PRKD3: variants seen among roughly 807,000 people sequenced by gnomAD.
PRKD3 encodes the protein serine/threonine-protein kinase D3.
In PRKD3, 47 loss-of-function variants were observed where a neutral mutation model predicts 99.2. The observed-to-expected ratio is 0.47, with a 90% CI of 0.38 to 0.60. The LOEUF (loss-of-function observed/expected upper bound fraction) is 0.60, where lower values mean the gene tolerates loss of function less well. Ranked by LOEUF, PRKD3 falls within the 20% of genes least tolerant of loss-of-function variation. The pLI is 0.00. For synonymous variants in PRKD3, 392 were observed against 355.4 expected (o/e 1.10, Z -1.16); for missense variants, 1,019 against 1,088.4 (o/e 0.94, Z 0.90).
chr2:37,279,125 C>A (rs1669716895), intron 8 of PRKD3: 1 of 152,096 alleles, frequency 6.6e-6, no homozygotes, highest in Non-Finnish European at 1.5e-5. Context: ...TTAAGTAACT[C>A]TTTGTTTCCA....
At chr2:37,261,379 C>T (rs1053987596) in intron 14 of PRKD3, among the ~76,000 whole-genome samples, 6 of 152,092 alleles carry the variant, frequency 3.9e-5, no homozygotes, top group Admixed American at 6.5e-5. Flanking sequence ...CCCAGCTACT[C>T]GGGAGGCTGA....
In PRKD3 at chr2:37,251,022, CTATG is replaced by C. The variant is rs1003888000; in HGVS notation, c.*2151_*2154del. 4.6e-5 allele frequency: 7 copies of C among 152,358 alleles called. No individual in the cohort carries two copies. Among genetic ancestry groups the C allele is most frequent in the South Asian group, 2.1e-4 (1 of 4,832 alleles). The allele number at this position is 152,358 out of a possible 1,614,324, so 9.4% of individuals were successfully genotyped here. A position where few individuals can be genotyped will look rare whatever the true frequency, so the allele number is the denominator to read the frequency against. On this transcript the variant is annotated 3_prime_UTR_variant, in exon 19 of 19. Coordinates refer to ENST00000234179, the MANE Select transcript of PRKD3 (RefSeq NM_005813.6). Reference sequence around the variant, plus strand: ...TAATTTCATGGCTTGTAAAGTTTGACTATGTAAGTATAGCAAACAAACATCGTTC... The same window carrying C: ...TAATTTCATGGCTTGTAAAGTTTGACTAAGTATAGCAAACAAACATCGTTC...
Position 37,316,347 on chromosome 2 carries a change from C to A in PRKD3, c.178G>T (p.Val60Phe). Residue 60 changes from valine (V) to phenylalanine (F), a missense_variant, in exon 2 of 19, where the codon GTT (valine) becomes TTT (phenylalanine). By Grantham distance (50) the Val-to-Phe change is conservative. Coordinates refer to ENST00000234179, the MANE Select transcript of PRKD3 (RefSeq NM_005813.6). ...AGGCCAATTTGCAGTAGAAATGAAA[C>A]TGTATGCACTGAGCCTCTGGAGTTG... is the stretch of plus-strand genomic sequence containing the variant. ...LTNSRGSVHT[V>F]SFLLQIGLTR... The A allele has an allele frequency of 6.2e-7, 1 of 1,614,172 alleles. No homozygotes were observed. Among genetic ancestry groups the A allele is most frequent in the Admixed American group, 1.7e-5 (1 of 60,024 alleles).
chr2:37,264,515 G>T (rs1352598816), intron 14 of PRKD3, among the ~76,000 whole-genome samples: 1 of 149,132 alleles, frequency 6.7e-6, no homozygotes, highest in South Asian at 2.2e-4. Context: ...TAAGGTAGGG[G>T]AGTGGAGGGG....
intron 16 of PRKD3, among the ~76,000 whole-genome samples, chr2:37,258,650 T>G (rs1366234488): frequency 6.6e-6 from 1 of 152,226 alleles, no homozygotes; most frequent in Admixed American, 6.5e-5. Context: ...TTTAAAACAT[T>G]GCACCAACTA....
Position 37,253,073 on chromosome 2 carries a change from CAT to C in PRKD3, c.*102_*103del. ...TCACTTATTCGTTATCATATTTCTTCATATCTTTGCAGCACTGCAGATGACAA... is the reference window on the plus strand; with the variant it reads ...TCACTTATTCGTTATCATATTTCTTCATCTTTGCAGCACTGCAGATGACAA... On this transcript the variant is annotated 3_prime_UTR_variant, in exon 19 of 19. Transcript: ENST00000234179. 2 of 1,192,962 alleles carry C rather than the reference CAT, an allele frequency of 1.7e-6. No individual in the cohort carries two copies. The highest frequency in any genetic ancestry group is 2.3e-6 in the Non-Finnish European group (2 of 861,578). The allele number at this position is 1,192,962 out of a possible 1,614,324, so 73.9% of individuals were successfully genotyped here. A position where few individuals can be genotyped will look rare whatever the true frequency, so the allele number is the denominator to read the frequency against.
chr2:37,322,044 CTTAAG>C (rs1042333818), intron 1 of PRKD3, among the ~76,000 whole-genome samples: 13 of 151,108 alleles, frequency 8.6e-5, no homozygotes, highest in African/African-American at 3.2e-4. Flanking sequence ...CCAGGTTCAA[CTTAAG>C]TTTTGTGTAC....
In PRKD3 at chr2:37,316,676, C is replaced by T. The variant is rs947121694; in HGVS notation, c.-152G>A. On this transcript the variant is annotated 5_prime_UTR_variant, in exon 2 of 19. Coordinates refer to ENST00000234179, the MANE Select transcript of PRKD3 (RefSeq NM_005813.6). ...CTCTGTTAAGCCACTCATGCCGATA[C>T]TTTTAAGTTTTATCAAGGAGTTGAA... 40 of 1,437,076 alleles carry T rather than the reference C, an allele frequency of 2.8e-5. No individual in the cohort carries two copies. Among genetic ancestry groups the T allele is most frequent in the African/African-American group, 5.7e-5 (4 of 69,672 alleles). The allele number at this position is 1,437,076 out of a possible 1,614,324, so 89.0% of individuals were successfully genotyped here. A position where few individuals can be genotyped will look rare whatever the true frequency, so the allele number is the denominator to read the frequency against.
At chr2:37,308,340 C>T (rs1261749188) in intron 2 of PRKD3, among the ~76,000 whole-genome samples, 1 of 152,112 alleles carries the variant, frequency 6.6e-6, no homozygotes, top group Non-Finnish European at 1.5e-5. Flanking sequence ...TGCCTGCTGT[C>T]CAGAGGTTTG....
chr2:37,259,057 A>G (rs1668206507), intron 16 of PRKD3, among the ~76,000 whole-genome samples: 1 of 152,150 alleles, frequency 6.6e-6, no homozygotes, highest in Non-Finnish European at 1.5e-5. Flanking sequence ...ACTTGGAAAA[A>G]AAAAAAACTC....
intron 9 of PRKD3, 44 bp from the exon 10 acceptor site, chr2:37,275,888 CCT>C (rs1310330727): frequency 6.3e-7 from 1 of 1,580,692 alleles, no homozygotes; most frequent in South Asian, 1.2e-5. Flanking sequence ...AAAAATGATT[CCT>C]CCAAAGTGCT....
chr2:37,308,655 A>T (rs959580871), intron 2 of PRKD3, among the ~76,000 whole-genome samples: 13 of 152,038 alleles, frequency 8.6e-5, no homozygotes, highest in Non-Finnish European at 1.5e-4. Context: ...GGCTTTTGCC[A>T]TGTTGGCCAG....
rs928532015 is a variant in PRKD3, at chr2:37,316,634, G to A, written c.-110C>T. 1 of 1,486,324 alleles carries A rather than the reference G, an allele frequency of 6.7e-7. No individual in the cohort carries two copies. Among genetic ancestry groups the A allele is most frequent in the East Asian group, 2.4e-5 (1 of 42,038 alleles). 92.1% of individuals were successfully genotyped at this position (1,486,324 alleles called of 1,614,324 possible). On this transcript the variant is annotated 5_prime_UTR_variant, in exon 2 of 19. Transcript: ENST00000234179. ...AATGACCGCACTTTTGGATTTAGTTGAAAACTTCTTTATTTCCTCTGTTAA... is the reference window on the plus strand; with the variant it reads ...AATGACCGCACTTTTGGATTTAGTTAAAAACTTCTTTATTTCCTCTGTTAA...
intron 16 of PRKD3, among the ~76,000 whole-genome samples, chr2:37,257,865 T>C (rs530973106): frequency 2.6e-4 from 39 of 152,244 alleles, no homozygotes; most frequent in Non-Finnish European, 5.0e-4. Flanking sequence ...GCAACACTTT[T>C]CTATCACTGT....
chr2:37,296,486 C>G (rs115375225), intron 2 of PRKD3, among the ~76,000 whole-genome samples: 1 of 151,364 alleles, frequency 6.6e-6, no homozygotes, highest in Non-Finnish European at 1.5e-5. Context: ...CTCATCTATA[C>G]GACAGACAAA....
chr2:37,276,811 CAT>C (rs1305943087), intron 9 of PRKD3, among the ~76,000 whole-genome samples: 1 of 140,894 alleles, frequency 7.1e-6, no homozygotes, highest in Non-Finnish European at 1.5e-5. Context: ...CACACATACA[CAT>C]ATATATACAT....
At chr2:37,270,114 C>T (rs1669127410) in intron 12 of PRKD3, among the ~76,000 whole-genome samples, 1 of 151,964 alleles carries the variant, frequency 6.6e-6, no homozygotes, top group South Asian at 2.1e-4. Flanking sequence ...GTAATCCTAG[C>T]TACTCGGGAG....
At position 37,256,732 on chromosome 2, in the gene PRKD3, A is replaced by G. The variant is rs764232307; in HGVS notation, c.2343T>C (p.Asp781=). Residue 781 remains aspartate (D), a synonymous_variant, in exon 17 of 19, where the codon GAT becomes GAC. Coordinates refer to ENST00000234179, the MANE Select transcript of PRKD3 (RefSeq NM_005813.6). ...CAGCATTTTGGATTTGGTCATTTATATCTTCATCCTCATTAAAAGGAAATG... is the reference window on the plus strand; with the variant it reads ...CAGCATTTTGGATTTGGTCATTTATGTCTTCATCCTCATTAAAAGGAAATG... ...SGTFPFNEDE[D]INDQIQNAAF... is the part of the protein sequence containing the mutation. 19 of 1,591,902 alleles carry G rather than the reference A, an allele frequency of 1.2e-5. No homozygotes were observed. The African/African-American group carries it at 2.2e-4, about 18-fold the overall frequency.
Position 37,251,579 on chromosome 2 carries a change from G to T in PRKD3, c.*1598C>A, listed in dbSNP as rs1467210536. Reference sequence around the variant, plus strand: ...ACAGGAGACTAGCTTCAGGGATGTCGAAAGGCCTTCTCAGTCTGTTCATGT... The same window carrying T: ...ACAGGAGACTAGCTTCAGGGATGTCTAAAGGCCTTCTCAGTCTGTTCATGT... On this transcript the variant is annotated 3_prime_UTR_variant, in exon 19 of 19. Transcript: ENST00000234179. The T allele has an allele frequency of 6.6e-6, 1 of 152,070 alleles. No individual in the cohort carries two copies. Among genetic ancestry groups the T allele is most frequent in the Non-Finnish European group, 1.5e-5 (1 of 67,974 alleles). 9.4% of individuals were successfully genotyped at this position (152,070 alleles called of 1,614,324 possible).
Sources: gnomAD v4.1 joint callset for allele counts (sites outside exome capture counted in the v4.1 genomes callset) on GRCh38, gnomAD v4.1.1 for gene constraint, MANE v1.5 for transcripts, NCBI Gene and HGNC (gene_info 2026-07-23, HGNC 2026-07-21) for gene names.